APP: variants seen among roughly 807,000 people sequenced by gnomAD.
The protein encoded by APP is amyloid-beta precursor protein.
APP carries 31 observed loss-of-function variants against 101.4 expected under a neutral mutation model. The ratio of observed to expected loss-of-function variants is 0.31; its 90% CI spans 0.23 to 0.41. The LOEUF is 0.41. Among genes scored for constraint, APP ranks in the 10% least tolerant of loss-of-function variants. APP has a pLI of 1.00. For synonymous variants in APP, 366 were observed against 364.4 expected, an observed-to-expected ratio of 1.00 and a Z score of -0.05; for missense variants, 839 against 1,003.7, an observed-to-expected ratio of 0.84 and a Z score of 2.22.
chr21:26,133,794 C>G (rs1260550786), intron 1 of APP, among the ~76,000 whole-genome samples: 1 of 152,104 alleles, frequency 6.6e-6, no homozygotes, highest in Non-Finnish European at 1.5e-5. Flanking sequence ...AAACAAATAA[C>G]TGGAATAAAG....
intron 13 of APP, among the ~76,000 whole-genome samples, chr21:25,917,669 A>G (rs1013794438): frequency 6.6e-6 from 1 of 152,212 alleles, no homozygotes; most frequent in African/African-American, 2.4e-5. Context: ...TCCACTGAAC[A>G]CAAGTGGGTT....
At chr21:26,123,113 T>C (rs1007104754) in intron 1 of APP, among the ~76,000 whole-genome samples, 1 of 152,220 alleles carries the variant, frequency 6.6e-6, no homozygotes, top group African/African-American at 2.4e-5. Flanking sequence ...TTTTAGCAGA[T>C]TTACAGAAAT....
chr21:25,983,077 T>G (rs2042500302), intron 8 of APP, among the ~76,000 whole-genome samples: 1 of 152,236 alleles, frequency 6.6e-6, no homozygotes, highest in African/African-American at 2.4e-5. Flanking sequence ...CTTCATAAAT[T>G]TGACAATAGT....
At chr21:26,066,019 G>A (rs2046440293) in intron 3 of APP, among the ~76,000 whole-genome samples, 1 of 152,126 alleles carries the variant, frequency 6.6e-6, no homozygotes, top group Non-Finnish European at 1.5e-5. Context: ...GGACGCGCCT[G>A]AAAACAGACC....
At chr21:25,968,070 GAC>G in intron 11 of APP, among the ~76,000 whole-genome samples, 1 of 152,316 alleles carries the variant, frequency 6.6e-6, no homozygotes, top group South Asian at 2.1e-4. Flanking sequence ...TGAGTGCAAA[GAC>G]ACAGCTCTGC....
intron 14 of APP, among the ~76,000 whole-genome samples, chr21:25,908,692 TAA>T (rs11452565): frequency 4.1e-5 from 6 of 145,620 alleles, no homozygotes; most frequent in African/African-American, 5.0e-5. Context: ...CTGGCTCCAT[TAA>T]AAAAAAAAAA....
intron 1 of APP, among the ~76,000 whole-genome samples, chr21:26,162,201 TG>T (rs2063506053): frequency 6.6e-6 from 1 of 152,180 alleles, no homozygotes; most frequent in African/African-American, 2.4e-5. Flanking sequence ...TGGTGGCACA[TG>T]CCTGTAGTCC....
chr21:26,160,268 A>G (rs1601597897), intron 1 of APP, among the ~76,000 whole-genome samples: 2 of 152,198 alleles, frequency 1.3e-5, no homozygotes, highest in African/African-American at 4.8e-5. Flanking sequence ...CAATTCAACT[A>G]GCAGCAGTTC....
intron 1 of APP, among the ~76,000 whole-genome samples, chr21:26,133,259 C>T (rs566709457): frequency 6.6e-6 from 1 of 152,280 alleles, no homozygotes; most frequent in South Asian, 2.1e-4. Flanking sequence ...AACAAAACAT[C>T]TGACAGTTCC....
At chr21:25,965,715 G>T (rs1601051485) in intron 11 of APP, among the ~76,000 whole-genome samples, 1 of 152,200 alleles carries the variant, frequency 6.6e-6, no homozygotes, top group African/African-American at 2.4e-5. Context: ...TTTCCAGGGT[G>T]AGGATTCTTT....
intron 13 of APP, among the ~76,000 whole-genome samples, chr21:25,914,268 G>A (rs1405833825): frequency 6.6e-6 from 1 of 151,688 alleles, no homozygotes; most frequent in Non-Finnish European, 1.5e-5. Context: ...ACCGCCCCTA[G>A]GAATATGATT....
intron 2 of APP, among the ~76,000 whole-genome samples, chr21:26,092,714 G>A (rs141155067): frequency 0.022 from 3,342 of 152,192 alleles, 61 homozygotes; most frequent in Non-Finnish European, 0.034. Flanking sequence ...TTGGTTCATC[G>A]ATTGTAACAA....
intron 6 of APP, among the ~76,000 whole-genome samples, chr21:26,006,980 T>C (rs1337087717): frequency 6.6e-6 from 1 of 152,224 alleles, no homozygotes; most frequent in African/African-American, 2.4e-5. Flanking sequence ...ATGTGATGTA[T>C]AAATTTTAAA....
At chr21:26,011,477 C>G (rs1331548884) in intron 6 of APP, among the ~76,000 whole-genome samples, 1 of 152,094 alleles carries the variant, frequency 6.6e-6, no homozygotes, top group Admixed American at 6.5e-5. Context: ...TCCCAGGGGA[C>G]ATTTTTGATT....
At chr21:26,027,079 TAAAC>T (rs2044612017) in intron 5 of APP, among the ~76,000 whole-genome samples, 1 of 152,162 alleles carries the variant, frequency 6.6e-6, no homozygotes, top group Non-Finnish European at 1.5e-5. Context: ...TTGCTACAGA[TAAAC>T]AGGGAGGAAA....
chr21:26,163,074 A>AAAC (rs1555885824), intron 1 of APP, among the ~76,000 whole-genome samples: 4 of 148,852 alleles, frequency 2.7e-5, no homozygotes, highest in Non-Finnish European at 4.5e-5. Context: ...CTAAAAAAAA[A>AAAC]AAAAACAAAA....
At chr21:26,158,954 T>C (rs2063429706) in intron 1 of APP, among the ~76,000 whole-genome samples, 2 of 152,234 alleles carry the variant, frequency 1.3e-5, no homozygotes. Flanking sequence ...CTGAGTTACC[T>C]TTCTATTTAC....
intron 13 of APP, among the ~76,000 whole-genome samples, chr21:25,936,053 T>C (rs2040351189): frequency 6.6e-6 from 1 of 152,018 alleles, no homozygotes; most frequent in Non-Finnish European, 1.5e-5. Flanking sequence ...GTGCACTAAA[T>C]AGACAGTAGC....
At chr21:26,048,495 G>A (rs1454927579) in intron 5 of APP, among the ~76,000 whole-genome samples, 3 of 152,118 alleles carry the variant, frequency 2.0e-5, no homozygotes, top group Non-Finnish European at 4.4e-5. Context: ...AAGTCGTCCT[G>A]GGCAGTGGGC....
Sources: allele counts gnomAD v4.1 joint callset (sites outside exome capture counted in the v4.1 genomes callset), GRCh38; gene constraint gnomAD v4.1.1; transcripts MANE v1.5; gene names NCBI Gene and HGNC (gene_info 2026-07-23, HGNC 2026-07-21).